Variants in TMTC1 observed in about 807,000 individuals in gnomAD.
The protein encoded by TMTC1 is transmembrane O-mannosyltransferase targeting cadherins 1, also known as protein O-mannosyl-transferase TMTC1.
In TMTC1, 73 loss-of-function variants were observed where a neutral mutation model predicts 104.8. The observed-to-expected ratio is 0.70, with a 90% CI of 0.58 to 0.85. The LOEUF (loss-of-function observed/expected upper bound fraction) is 0.85, where lower values mean the gene tolerates loss of function less well. Among genes scored for constraint, TMTC1 ranks in the 40% least tolerant of loss-of-function variants. TMTC1 has a pLI of 0.00. For synonymous variants in TMTC1, 434 were observed against 428.7 expected (o/e 1.01, Z -0.15); for missense variants, 1,035 against 1,096.1 (o/e 0.94, Z 0.79).
At position 29,755,587 on chromosome 12, in the gene TMTC1, G is replaced by A. The variant is rs529137545; in HGVS notation, c.731+122C>T. 10 of 810,230 alleles carry A rather than the reference G, an allele frequency of 1.2e-5. No homozygotes were observed. The South Asian group carries it at 1.8e-4, about 14-fold the overall frequency. The allele number at this position is 810,230 out of a possible 1,614,324, so 50.2% of individuals were successfully genotyped here. A position where few individuals can be genotyped will look rare whatever the true frequency, so the allele number is the denominator to read the frequency against. ...AATAAGCCTTGTTGATTACGTGACA[G>A]TCTAAGGTGAGATGACATTTAATAA... On this transcript the variant is annotated intron_variant, in intron 4 of 17. Coordinates refer to ENST00000539277, the MANE Select transcript of TMTC1 (RefSeq NM_001193451.2).
intron 5 of TMTC1, among the ~76,000 whole-genome samples, chr12:29,747,615 C>T (rs1942987742): frequency 6.6e-6 from 1 of 152,166 alleles, no homozygotes; most frequent in South Asian, 2.1e-4. Context: ...AAAAAAATCG[C>T]ACACAAACTC....
intron 10 of TMTC1, among the ~76,000 whole-genome samples, chr12:29,540,385 C>T (rs1331374523): frequency 6.6e-6 from 1 of 152,166 alleles, no homozygotes; most frequent in Non-Finnish European, 1.5e-5. Flanking sequence ...ATACTGACCA[C>T]CATCATCCCA....
intron 5 of TMTC1, among the ~76,000 whole-genome samples, chr12:29,725,141 C>G (rs1362201462): frequency 6.6e-6 from 1 of 150,406 alleles, no homozygotes; most frequent in African/African-American, 2.4e-5. Flanking sequence ...CCTCAGCCTC[C>G]CGAATAGCTG....
chr12:29,711,274 G>A (rs1261082387), intron 5 of TMTC1, among the ~76,000 whole-genome samples: 3 of 151,948 alleles, frequency 2.0e-5, no homozygotes, highest in Admixed American at 6.6e-5. Context: ...CCACTGCACA[G>A]GGCTACAGTT....
intron 6 of TMTC1, among the ~76,000 whole-genome samples, chr12:29,629,102 G>A (rs1053781619): frequency 2.6e-5 from 4 of 151,868 alleles, no homozygotes; most frequent in Non-Finnish European, 4.4e-5. Flanking sequence ...GGTGGATCAC[G>A]AGGTCAGGAG....
chr12:29,734,509 G>A (rs911858027), intron 5 of TMTC1, among the ~76,000 whole-genome samples: 1 of 152,184 alleles, frequency 6.6e-6, no homozygotes, highest in African/African-American at 2.4e-5. Flanking sequence ...GTGTCCATAA[G>A]CCAGACGATC....
Position 29,615,897 on chromosome 12 carries a change from A to G in TMTC1, c.1129-11598T>C, listed in dbSNP as rs1040245121. 3.3e-5 allele frequency among the ~76,000 whole-genome samples: 5 copies of G among 152,286 alleles called. No individual in the cohort carries two copies. The South Asian group carries it at 6.2e-4, about 19-fold the overall frequency. ...AAGGCAAGCAAGGAAATGTTTAAAC[A>G]TTGCCCAAAAATGAACTCTCAAGGT... On this transcript the variant is annotated intron_variant, in intron 6 of 17. Transcript: ENST00000539277.
intron 5 of TMTC1, among the ~76,000 whole-genome samples, chr12:29,671,213 C>T (rs28490094): frequency 0.078 from 11,797 of 150,862 alleles, 656 homozygotes; most frequent in South Asian, 0.17. Flanking sequence ...GGAGAATCAC[C>T]TGAACCTGGG....
intron 5 of TMTC1, among the ~76,000 whole-genome samples, chr12:29,644,135 G>GTGTT (rs1220034014): frequency 2.0e-5 from 2 of 101,388 alleles, no homozygotes; most frequent in Non-Finnish European, 4.0e-5. Context: ...GTGTGTGTGT[G>GTGTT]TGTGTGTGTG....
chr12:29,686,339 T>C lies in TMTC1; in HGVS notation c.939-53003A>G, dbSNP rs561023908. On this transcript the variant is annotated intron_variant, in intron 5 of 17. Transcript: ENST00000539277. ...TAAACATTATCCATAAATGATCTCA[T>C]TCACTTTCAGGATTTTAACTGTCAC... is the stretch of plus-strand genomic sequence containing the variant. 5.9e-5 allele frequency among the ~76,000 whole-genome samples: 9 copies of C among 152,334 alleles called. No individual in the cohort carries two copies. In the South Asian group the frequency reaches 8.3e-4, roughly 14 times the overall value.
At chr12:29,654,424 G>T (rs1190254828) in intron 5 of TMTC1, among the ~76,000 whole-genome samples, 1 of 152,126 alleles carries the variant, frequency 6.6e-6, no homozygotes, top group Non-Finnish European at 1.5e-5. Flanking sequence ...CATTGGTATG[G>T]CTATAATAAA....
intron 5 of TMTC1, among the ~76,000 whole-genome samples, chr12:29,653,748 T>G (rs944061234): frequency 6.6e-6 from 1 of 152,170 alleles, no homozygotes; most frequent in Non-Finnish European, 1.5e-5. Context: ...TTCTCACCAG[T>G]GTATCCTGAA....
intron 7 of TMTC1, among the ~76,000 whole-genome samples, chr12:29,589,432 C>T (rs919966598): frequency 1.3e-5 from 2 of 152,200 alleles, no homozygotes; most frequent in Admixed American, 6.5e-5. Flanking sequence ...GATATAAACC[C>T]AGGAATTTCA....
At chr12:29,653,569 C>T (rs1591868870) in intron 5 of TMTC1, among the ~76,000 whole-genome samples, 1 of 152,128 alleles carries the variant, frequency 6.6e-6, no homozygotes, top group African/African-American at 2.4e-5. Flanking sequence ...TTGTTCTTCT[C>T]AAGTGGAAAG....
chr12:29,693,007 G>C (rs1312449994), intron 5 of TMTC1, among the ~76,000 whole-genome samples: 2 of 145,000 alleles, frequency 1.4e-5, no homozygotes, highest in East Asian at 2.3e-4. Context: ...AAAACTGACT[G>C]CAAATGCCCA....
chr12:29,590,507 C>G (rs1182605692), intron 7 of TMTC1, among the ~76,000 whole-genome samples: 1 of 152,194 alleles, frequency 6.6e-6, no homozygotes, highest in African/African-American at 2.4e-5. Flanking sequence ...CCACGTGTGG[C>G]CAGGCATGGT....
At chr12:29,710,143 C>T (rs1458381187) in intron 5 of TMTC1, among the ~76,000 whole-genome samples, 1 of 151,970 alleles carries the variant, frequency 6.6e-6, no homozygotes, top group East Asian at 1.9e-4. Context: ...CGTTTGTTTC[C>T]CTCTTTTCTA....
At chr12:29,674,225 CCT>C (rs1940636098) in intron 5 of TMTC1, among the ~76,000 whole-genome samples, 1 of 152,240 alleles carries the variant, frequency 6.6e-6, no homozygotes, top group East Asian at 1.9e-4. Context: ...ACTACGCAGG[CCT>C]TTTAGCCTCC....
chr12:29,695,793 T>TTATA (rs113135039), intron 5 of TMTC1, among the ~76,000 whole-genome samples: 6,752 of 82,982 alleles, frequency 0.081, 472 homozygotes, highest in Non-Finnish European at 0.13. Context: ...TACTTCCTTT[T>TTATA]TATATATATA....
Sources: allele counts gnomAD v4.1 joint callset (sites outside exome capture counted in the v4.1 genomes callset), GRCh38; gene constraint gnomAD v4.1.1; transcripts MANE v1.5; gene names NCBI Gene and HGNC (gene_info 2026-07-23, HGNC 2026-07-21).